Variants in PRKG1 observed in about 807,000 individuals in gnomAD.
PRKG1 encodes protein kinase cGMP-dependent 1, also known as cGMP-dependent protein kinase 1.
Under a neutral mutation model 88.1 loss-of-function variants are expected in PRKG1, and 35 were observed. That is an observed-to-expected ratio of 0.40 (90% CI 0.30 to 0.53). The LOEUF (loss-of-function observed/expected upper bound fraction) is 0.53. PRKG1 is among the 20% of genes least tolerant of loss of function. The pLI is 0.59. For synonymous variants in PRKG1, 303 were observed against 292.5 expected, an observed-to-expected ratio of 1.04 and a Z score of -0.37; for missense variants, 540 against 839.8, an observed-to-expected ratio of 0.64 and a Z score of 4.41.
intron 2 of PRKG1, among the ~76,000 whole-genome samples, chr10:51,464,843 A>T (rs1403343513): frequency 6.8e-6 from 1 of 146,996 alleles, no homozygotes; most frequent in African/African-American, 2.5e-5. Context: ...GTGAGCCGAG[A>T]TCCCGCCACT....
intron 9 of PRKG1, among the ~76,000 whole-genome samples, chr10:52,193,564 AAAAAAAAAAAAC>A (rs1194023102): frequency 3.0e-3 from 17 of 5,712 alleles, no homozygotes; most frequent in African/African-American, 4.3e-3. Context: ...AAAAAAAAAC[AAAAAAAAAAAAC>A]AAAAAAAAAA....
At chr10:51,098,698 A>G (rs1844603824) in intron 1 of PRKG1, among the ~76,000 whole-genome samples, 1 of 152,208 alleles carries the variant, frequency 6.6e-6, no homozygotes, top group South Asian at 2.1e-4. Flanking sequence ...CAACTTTTTG[A>G]AATTGTCAAG....
At chr10:51,594,718 T>C (rs1219657977) in intron 3 of PRKG1, among the ~76,000 whole-genome samples, 1 of 152,224 alleles carries the variant, frequency 6.6e-6, no homozygotes, top group Non-Finnish European at 1.5e-5. Flanking sequence ...CAGTCATTTC[T>C]ATATCACAGT....
chr10:51,697,943 A>C (rs914122262), intron 3 of PRKG1: 192 of 1,596,668 alleles, frequency 1.2e-4, no homozygotes, highest in South Asian at 3.7e-4. Context: ...TTGTATACTG[A>C]CTCCTTGTAT....
chr10:51,304,324 C>T (rs969568783), intron 2 of PRKG1, among the ~76,000 whole-genome samples: 2 of 151,910 alleles, frequency 1.3e-5, no homozygotes, highest in African/African-American at 4.8e-5. Flanking sequence ...AATTTGAAAA[C>T]ATTACATAGA....
chr10:52,271,048 C>T (rs1841714712), intron 10 of PRKG1, among the ~76,000 whole-genome samples: 1 of 151,930 alleles, frequency 6.6e-6, no homozygotes, highest in South Asian at 2.1e-4. Flanking sequence ...TGTATTCAAA[C>T]ACACTCTATG....
At chr10:51,696,434 G>C (rs964620558) in intron 3 of PRKG1, 1 of 151,910 alleles carries the variant, frequency 6.6e-6, no homozygotes, top group Non-Finnish European at 1.5e-5. Flanking sequence ...TTTTGGGAAG[G>C]ATGTAAGAGA....
intron 3 of PRKG1, among the ~76,000 whole-genome samples, chr10:51,726,585 C>T (rs894967581): frequency 3.9e-5 from 6 of 152,146 alleles, no homozygotes; most frequent in South Asian, 2.1e-4. Context: ...GTTATAAAGC[C>T]GGGTGCACAC....
At chr10:51,195,419 A>G (rs1385826016) in intron 2 of PRKG1, among the ~76,000 whole-genome samples, 3 of 152,230 alleles carry the variant, frequency 2.0e-5, no homozygotes, top group African/African-American at 4.8e-5. Flanking sequence ...TTAAAGATGA[A>G]TAATTACTGG....
At chr10:51,161,931 A>G (rs1846373785) in intron 2 of PRKG1, among the ~76,000 whole-genome samples, 1 of 152,192 alleles carries the variant, frequency 6.6e-6, no homozygotes. Context: ...TAATGAGGTA[A>G]AATTTACTTC....
At chr10:51,893,162 A>G (rs1415564994) in intron 4 of PRKG1, among the ~76,000 whole-genome samples, 1 of 152,094 alleles carries the variant, frequency 6.6e-6, no homozygotes, top group African/African-American at 2.4e-5. Flanking sequence ...CAGGAGCACC[A>G]GAGTAACCTG....
intron 10 of PRKG1, among the ~76,000 whole-genome samples, chr10:52,266,379 T>TC (rs1428880148): frequency 6.6e-6 from 1 of 151,726 alleles, no homozygotes; most frequent in Non-Finnish European, 1.5e-5. Context: ...CCCCCAGCTC[T>TC]CCCCCGACAG....
At position 51,939,706 on chromosome 10, in the gene PRKG1, T is replaced by G. The variant is rs547308775; in HGVS notation, c.762+32136T>G. Among the ~76,000 whole-genome samples, 8 of 152,048 alleles carry G rather than the reference T, an allele frequency of 5.3e-5. No homozygotes were observed. The South Asian group carries it at 1.7e-3, about 32-fold the overall frequency. The stretch of plus-strand genomic sequence containing the variant: ...CTTTAGGGAGTAGAGTCCTTAAATA[T>G]GTTGAGTGGCCATGAAACAGCATTT... On this transcript the variant is annotated intron_variant, in intron 5 of 17. Transcript: ENST00000373980.
intron 4 of PRKG1, among the ~76,000 whole-genome samples, chr10:51,843,090 A>ATTTTTTTTTTT (rs1200317452): frequency 6.0e-5 from 7 of 117,496 alleles, no homozygotes; most frequent in Admixed American, 8.3e-5. Context: ...TAGGAAAATT[A>ATTTTTTTTTTT]TTCTTTTTTT....
intron 9 of PRKG1, among the ~76,000 whole-genome samples, chr10:52,193,393 A>C (rs956434484): frequency 9.9e-5 from 15 of 151,296 alleles, no homozygotes; most frequent in Non-Finnish European, 1.9e-4. Context: ...TAAAAATACA[A>C]AAAAATTAGC....
chr10:52,141,845 C>A (rs1437731263), intron 8 of PRKG1, among the ~76,000 whole-genome samples: 1 of 152,074 alleles, frequency 6.6e-6, no homozygotes, highest in Non-Finnish European at 1.5e-5. Context: ...GCTTACCAAG[C>A]GTTTTTTAGA....
intron 5 of PRKG1, among the ~76,000 whole-genome samples, chr10:51,948,427 A>T (rs1265467468): frequency 6.6e-6 from 1 of 152,154 alleles, no homozygotes; most frequent in Non-Finnish European, 1.5e-5. Flanking sequence ...ACATTTAACA[A>T]AGAATAGGAT....
chr10:52,064,215 C>T (rs1589571946), intron 7 of PRKG1, among the ~76,000 whole-genome samples: 1 of 152,186 alleles, frequency 6.6e-6, no homozygotes, highest in Non-Finnish European at 1.5e-5. Flanking sequence ...ACTGGATTCC[C>T]TCCTATGCTC....
chr10:52,180,712 C>T (rs1481165681), intron 9 of PRKG1, among the ~76,000 whole-genome samples: 2 of 152,134 alleles, frequency 1.3e-5, no homozygotes, highest in African/African-American at 4.8e-5. Flanking sequence ...GGTGGTGTAA[C>T]TTTGCCAGAC....
Sources: allele counts gnomAD v4.1 joint callset (sites outside exome capture counted in the v4.1 genomes callset), GRCh38; gene constraint gnomAD v4.1.1; transcripts MANE v1.5; gene names NCBI Gene and HGNC (gene_info 2026-07-23, HGNC 2026-07-21).